The following SEZ6L variants were observed in gnomAD, a reference collection of about 807,000 sequenced individuals.
SEZ6L encodes the protein seizure related 6 homolog like, also known as seizure 6-like protein.
In SEZ6L, 37 loss-of-function variants were observed where a neutral mutation model predicts 106.2. The ratio of observed to expected loss-of-function variants is 0.35; its 90% CI spans 0.27 to 0.46. SEZ6L has a LOEUF of 0.46. Among genes scored for constraint, SEZ6L ranks in the 20% least tolerant of loss-of-function variants. The pLI is 1.00. For missense variants in SEZ6L, 1,172 were observed against 1,332.8 expected (o/e 0.88, Z 1.88); for synonymous variants, 541 against 570.4 (o/e 0.95, Z 0.73).
At chr22:26,201,382 C>CAAAAAAAAAAA (rs71192905) in intron 1 of SEZ6L, among the ~76,000 whole-genome samples, 10 of 75,254 alleles carry the variant, frequency 1.3e-4, no homozygotes, top group South Asian at 5.9e-4. Flanking sequence ...TACAAAAATA[C>CAAAAAAAAAAA]AAAAAAAAAA....
intron 9 of SEZ6L, among the ~76,000 whole-genome samples, chr22:26,337,707 T>G (rs1601537886): frequency 6.6e-6 from 1 of 151,726 alleles, no homozygotes; most frequent in East Asian, 1.9e-4. Context: ...GTCAGGGGGG[T>G]AGGAGGAGTC....
At chr22:26,351,435 C>T in intron 12 of SEZ6L, 192 bp downstream of exon 12, 1 of 515,484 alleles carries the variant, frequency 1.9e-6, no homozygotes, top group Non-Finnish European at 3.4e-6. Context: ...GTAAATTTAT[C>T]ACGCGTTGCT....
intron 15 of SEZ6L, 96 bp from the exon 16 acceptor site, chr22:26,377,577 C>A: frequency 1.0e-6 from 1 of 963,984 alleles, no homozygotes; most frequent in Non-Finnish European, 1.7e-6. Flanking sequence ...ACAGAGGTGC[C>A]GCTGCTCAGG....
At chr22:26,279,088 G>T (rs1446643022) in intron 1 of SEZ6L, among the ~76,000 whole-genome samples, 1 of 152,140 alleles carries the variant, frequency 6.6e-6, no homozygotes, top group East Asian at 1.9e-4. Flanking sequence ...ACTCCCCAGT[G>T]CCTCGACTTC....
intron 9 of SEZ6L, among the ~76,000 whole-genome samples, chr22:26,323,362 G>A (rs1439074332): frequency 1.3e-5 from 2 of 152,262 alleles, no homozygotes; most frequent in African/African-American, 4.8e-5. Flanking sequence ...GCTGGGCACA[G>A]TGGCTCATGC....
At chr22:26,204,946 A>G (rs551240095) in intron 1 of SEZ6L, among the ~76,000 whole-genome samples, 10 of 152,334 alleles carry the variant, frequency 6.6e-5, no homozygotes, top group Admixed American at 2.0e-4. Flanking sequence ...CTTCAAACCT[A>G]TGTGACATGT....
At position 26,278,788 on chromosome 22, in the gene SEZ6L, G is replaced by A. The variant is rs543561396; in HGVS notation, c.95-13618G>A. On this transcript the variant is annotated intron_variant, in intron 1 of 16. Transcript: ENST00000248933. ...AAGAAAGAAGGAAAGAAGGAAGGAAGGAAGGGAGGGAGGAAGGAAGGAATG... is the reference window on the plus strand; with the variant it reads ...AAGAAAGAAGGAAAGAAGGAAGGAAAGAAGGGAGGGAGGAAGGAAGGAATG... 6.0e-5 allele frequency among the ~76,000 whole-genome samples: 9 copies of A among 149,660 alleles called. No individual in the cohort carries two copies. The East Asian group carries it at 1.6e-3, about 26-fold the overall frequency.
chr22:26,313,924 C>A (rs1274150453), intron 9 of SEZ6L, 22 bp downstream of exon 9: 1 of 1,583,326 alleles, frequency 6.3e-7, no homozygotes, highest in Non-Finnish European at 8.7e-7. Flanking sequence ...AAATGGGTGG[C>A]CCTCTAATTT....
At chr22:26,254,045 C>T (rs1373137228) in intron 1 of SEZ6L, 1 of 152,206 alleles carries the variant, frequency 6.6e-6, no homozygotes, top group African/African-American at 2.4e-5. Flanking sequence ...AATGCACCTG[C>T]AACTACCCTT....
chr22:26,215,224 C>G (rs2078267033), intron 1 of SEZ6L, among the ~76,000 whole-genome samples: 1 of 152,176 alleles, frequency 6.6e-6, no homozygotes, highest in Non-Finnish European at 1.5e-5. Flanking sequence ...CTAAGATGTA[C>G]TTCTTTTTTA....
intron 1 of SEZ6L, among the ~76,000 whole-genome samples, chr22:26,200,727 T>C (rs1438249509): frequency 2.0e-5 from 3 of 152,204 alleles, no homozygotes; most frequent in Non-Finnish European, 4.4e-5. Flanking sequence ...TTTAAAGGAC[T>C]TCTCTCATCA....
At chr22:26,367,592 C>T (rs1056573789) in intron 13 of SEZ6L, among the ~76,000 whole-genome samples, 5 of 152,174 alleles carry the variant, frequency 3.3e-5, no homozygotes, top group Non-Finnish European at 7.3e-5. Flanking sequence ...GATCCTCCCA[C>T]CTCGGCCTCC....
At chr22:26,339,962 C>T (rs922304846) in intron 9 of SEZ6L, among the ~76,000 whole-genome samples, 2 of 152,172 alleles carry the variant, frequency 1.3e-5, no homozygotes, top group Non-Finnish European at 2.9e-5. Context: ...CGGCCGGGCA[C>T]AGTGACTCAC....
chr22:26,334,190 A>T (rs768306373), intron 9 of SEZ6L, among the ~76,000 whole-genome samples: 2 of 152,170 alleles, frequency 1.3e-5, no homozygotes, highest in Non-Finnish European at 2.9e-5. Flanking sequence ...ATACATTTAC[A>T]ATATTGTGCA....
intron 7 of SEZ6L, 58 bp downstream of exon 7, chr22:26,310,894 G>A (rs1460383493): frequency 5.9e-6 from 9 of 1,533,586 alleles, no homozygotes; most frequent in Non-Finnish European, 8.0e-6. Flanking sequence ...CCTGGGAGCA[G>A]GGAAAGCATG....
At chr22:26,267,688 C>T (rs895512004) in intron 1 of SEZ6L, among the ~76,000 whole-genome samples, 3 of 152,154 alleles carry the variant, frequency 2.0e-5, no homozygotes, top group African/African-American at 4.8e-5. Flanking sequence ...AAAGGCACTT[C>T]GAACTTAATT....
intron 1 of SEZ6L, among the ~76,000 whole-genome samples, chr22:26,291,324 G>A (rs927749995): frequency 6.6e-6 from 1 of 152,130 alleles, no homozygotes; most frequent in Admixed American, 6.6e-5. Context: ...ATTATCCCTA[G>A]CAAACTAAGG....
At chr22:26,195,147 T>C (rs1052649689) in intron 1 of SEZ6L, among the ~76,000 whole-genome samples, 1 of 152,214 alleles carries the variant, frequency 6.6e-6, no homozygotes, top group Non-Finnish European at 1.5e-5. Flanking sequence ...TTGCCTGACT[T>C]TGCAAGACCA....
At chr22:26,348,510 G>A (rs1183346207) in intron 11 of SEZ6L, among the ~76,000 whole-genome samples, 1 of 93,760 alleles carries the variant, frequency 1.1e-5, no homozygotes, top group African/African-American at 4.5e-5. Context: ...GGCTGGGAGA[G>A]AGAGAAGGAA....
Sources: allele counts gnomAD v4.1 joint callset (sites outside exome capture counted in the v4.1 genomes callset), GRCh38; gene constraint gnomAD v4.1.1; transcripts MANE v1.5; gene names NCBI Gene and HGNC (gene_info 2026-07-23, HGNC 2026-07-21).